PAX3: variants seen among roughly 807,000 people sequenced by gnomAD.
The protein encoded by PAX3 is paired box protein Pax-3.
PAX3 carries 14 observed loss-of-function variants against 51.6 expected under a neutral mutation model. The observed-to-expected ratio is 0.27, with a 90% CI of 0.18 to 0.42. The LOEUF (loss-of-function observed/expected upper bound fraction) is 0.42. PAX3 is among the 10% of genes least tolerant of loss of function. The probability of loss-of-function intolerance (pLI) is 1.00; values close to 1 mark genes in which losing one functional copy is unlikely to be tolerated. For missense variants in PAX3, 540 were observed against 642.8 expected, an observed-to-expected ratio of 0.84 and a Z score of 1.73; for synonymous variants, 280 against 253.4, an observed-to-expected ratio of 1.11 and a Z score of -1.00.
chr2:222,235,663 A>G lies in PAX3; in HGVS notation c.587-3380T>C, dbSNP rs967698549. On this transcript the variant is annotated intron_variant, in intron 4 of 8. Transcript: ENST00000392070. ...TGTCAAACAGGAATGCAGGTATCCT[A>G]AGGTGAGTTCAGGGAGGACAGAAAC... Among the ~76,000 whole-genome samples the G allele has an allele frequency of 5.9e-5, 9 of 152,342 alleles. No individual in the cohort carries two copies. In the South Asian group the frequency reaches 1.7e-3, roughly 28 times the overall value.
Position 222,296,838 on chromosome 2 carries a change from G to A in PAX3, c.321+140C>T, listed in dbSNP as rs1017964785. The A allele has an allele frequency of 1.2e-4, 83 of 720,838 alleles. 2 individuals are homozygous for A. The highest frequency in any genetic ancestry group is 8.0e-4 in the South Asian group (53 of 65,910). The allele number at this position is 720,838 out of a possible 1,614,324, so 44.7% of individuals were successfully genotyped here. The stretch of plus-strand genomic sequence containing the variant: ...CGCGTGCACACGTACACACACACAC[G>A]CGCGCCTTTACGCACCTTCACAAAC... On this transcript the variant is annotated intron_variant, in intron 2 of 8. Transcript: ENST00000392070.
At chr2:222,254,307 G>A (rs965822011) in intron 4 of PAX3, among the ~76,000 whole-genome samples, 15 of 152,096 alleles carry the variant, frequency 9.9e-5, no homozygotes, top group African/African-American at 3.4e-4. Context: ...TTCATCTTAC[G>A]TTTTGTCAGT....
At chr2:222,293,297 T>A (rs1238892525) in intron 4 of PAX3, among the ~76,000 whole-genome samples, 1 of 152,196 alleles carries the variant, frequency 6.6e-6, no homozygotes, top group African/African-American at 2.4e-5. Context: ...CCCTGCCGTC[T>A]CCTGCTGCAA....
chr2:222,293,656 A>G, intron 4 of PAX3: 1 of 1,614,112 alleles, frequency 6.2e-7, no homozygotes, highest in South Asian at 1.1e-5. Context: ...ACATATTTAT[A>G]AGGCAGCCAA....
intron 7 of PAX3, among the ~76,000 whole-genome samples, chr2:222,214,110 G>T: frequency 6.6e-6 from 1 of 152,148 alleles, no homozygotes; most frequent in East Asian, 1.9e-4. Context: ...CCATCATTTT[G>T]CCTTGGCAGC....
Position 222,221,439 on chromosome 2 carries a change from T to C in PAX3, c.793-52A>G, listed in dbSNP as rs1386272806. The C allele has an allele frequency of 5.3e-6, 8 of 1,510,104 alleles. No individual in the cohort carries two copies. The Admixed American group carries it at 6.7e-5, about 13-fold the overall frequency. The allele number at this position is 1,510,104 out of a possible 1,614,324, so 93.5% of individuals were successfully genotyped here. On this transcript the variant is annotated intron_variant, in intron 5 of 8. Transcript: ENST00000392070. ...ATTTCACTGATGAAATAATAGTACA[T>C]TCTTAATGAATTTTTTATGCTAAAA...
chr2:222,243,093 C>T (rs1183242743), intron 4 of PAX3, among the ~76,000 whole-genome samples: 1 of 152,090 alleles, frequency 6.6e-6, no homozygotes, highest in East Asian at 1.9e-4. Context: ...TACACAAAAC[C>T]TAAACAGCTT....
At chr2:222,273,957 G>C (rs1694335563) in intron 4 of PAX3, among the ~76,000 whole-genome samples, 2 of 152,118 alleles carry the variant, frequency 1.3e-5, no homozygotes, top group South Asian at 4.1e-4. Flanking sequence ...ATTGTAATCT[G>C]TTCTGCAAGT....
At chr2:222,266,933 G>A (rs1044702519) in intron 4 of PAX3, among the ~76,000 whole-genome samples, 3 of 152,196 alleles carry the variant, frequency 2.0e-5, no homozygotes, top group Non-Finnish European at 4.4e-5. Context: ...TACAGCAGGC[G>A]CTACAAGTGC....
At chr2:222,280,874 C>G (rs989390397) in intron 4 of PAX3, among the ~76,000 whole-genome samples, 1 of 152,196 alleles carries the variant, frequency 6.6e-6, no homozygotes, top group Non-Finnish European at 1.5e-5. Context: ...AAGCCTGGCT[C>G]TTTGTAGTTT....
intron 4 of PAX3, among the ~76,000 whole-genome samples, chr2:222,283,108 A>G (rs1032307909): frequency 1.3e-5 from 2 of 152,254 alleles, no homozygotes; most frequent in African/African-American, 2.4e-5. Context: ...TTTTACAAAT[A>G]AACTCACACG....
Position 222,244,795 on chromosome 2 carries a change from A to G in PAX3, c.587-12512T>C, listed in dbSNP as rs189930013. ...TCATTCCCAATTCCCTTAAAAATCC[A>G]AAACAAAGATCAAAGTTACTCAACT... On this transcript the variant is annotated intron_variant, in intron 4 of 8. Coordinates refer to ENST00000392070, the MANE Select transcript of PAX3 (RefSeq NM_181458.4). 1.1e-3 allele frequency among the ~76,000 whole-genome samples: 163 copies of G among 152,132 alleles called. 4 individuals carry two copies. The East Asian group carries it at 0.022, about 21-fold the overall frequency.
rs542814308 is a variant in PAX3, at chr2:222,273,831, T to G, written c.586+20336A>C. On this transcript the variant is annotated intron_variant, in intron 4 of 8. Coordinates refer to ENST00000392070, the MANE Select transcript of PAX3 (RefSeq NM_181458.4). The stretch of plus-strand genomic sequence containing the variant: ...AATTTGACAGCTCTTAGAACTATAA[T>G]CAAATAAAAATTCGACTAAAACATG... Among the ~76,000 whole-genome samples, 3 of 152,268 alleles carry G rather than the reference T, an allele frequency of 2.0e-5. No homozygotes were observed. The South Asian group carries it at 6.2e-4, about 32-fold the overall frequency.
intron 5 of PAX3, chr2:222,221,617 C>G: frequency 2.0e-6 from 1 of 494,038 alleles, no homozygotes; most frequent in African/African-American, 1.9e-5. Context: ...GCAACAACAG[C>G]CCCCATGAAC....
intron 7 of PAX3, among the ~76,000 whole-genome samples, chr2:222,204,316 C>A (rs767105987): frequency 2.0e-5 from 3 of 152,096 alleles, no homozygotes; most frequent in Non-Finnish European, 2.9e-5. Context: ...TTGAACATAA[C>A]TAAGAATGCA....
intron 7 of PAX3, among the ~76,000 whole-genome samples, chr2:222,203,001 A>G (rs1464363743): frequency 8.6e-6 from 1 of 116,236 alleles, no homozygotes; most frequent in Non-Finnish European, 1.7e-5. Context: ...TTCTTCTCTA[A>G]ACAACCATTT....
At chr2:222,254,989 G>A (rs113332887) in intron 4 of PAX3, among the ~76,000 whole-genome samples, 13,944 of 152,084 alleles carry the variant, frequency 0.092, 722 homozygotes, top group South Asian at 0.12. Flanking sequence ...CGCCATGTTA[G>A]CCAGGCTGGT....
chr2:222,293,871 C>T (rs769244801), intron 4 of PAX3: 47 of 1,609,302 alleles, frequency 2.9e-5, no homozygotes, highest in Non-Finnish European at 3.8e-5. Flanking sequence ...AGAGTGAGAG[C>T]TTCCCCTGCC....
At chr2:222,240,632 T>A (rs1265981965) in intron 4 of PAX3, among the ~76,000 whole-genome samples, 1 of 152,218 alleles carries the variant, frequency 6.6e-6, no homozygotes, top group African/African-American at 2.4e-5. Context: ...AGCAACATTT[T>A]GCTTAAAGGA....
Sources: gnomAD v4.1 joint callset for allele counts (sites outside exome capture counted in the v4.1 genomes callset) on GRCh38, gnomAD v4.1.1 for gene constraint, MANE v1.5 for transcripts, NCBI Gene and HGNC (gene_info 2026-07-23, HGNC 2026-07-21) for gene names.